The following DYNC1LI2 variants were observed in gnomAD, a reference collection of about 807,000 sequenced individuals.
The protein encoded by DYNC1LI2 is dynein cytoplasmic 1 light intermediate chain 2.
Under a neutral mutation model 57.8 loss-of-function variants are expected in DYNC1LI2, and 19 were observed. The observed-to-expected ratio is 0.33, with a 90% confidence interval of 0.23 to 0.48. DYNC1LI2 has a LOEUF of 0.48. DYNC1LI2 is among the 20% of genes least tolerant of loss of function. The probability of loss-of-function intolerance (pLI) is 0.99; values close to 1 mark genes in which losing one functional copy is unlikely to be tolerated. For missense variants in DYNC1LI2, 470 were observed against 604.2 expected, an observed-to-expected ratio of 0.78 and a Z score of 2.33; for synonymous variants, 256 against 233.4, an observed-to-expected ratio of 1.10 and a Z score of -0.88.
At chr16:66,728,879 T>A (rs528757845) in intron 9 of DYNC1LI2, among the ~76,000 whole-genome samples, 161 bp downstream of exon 9, 1 of 152,308 alleles carries the variant, frequency 6.6e-6, no homozygotes, top group South Asian at 2.1e-4. Flanking sequence ...CATCCCCAAC[T>A]AATCCTAGAA....
At chr16:66,748,746 C>T (rs979118587) in intron 3 of DYNC1LI2, among the ~76,000 whole-genome samples, 1 of 152,144 alleles carries the variant, frequency 6.6e-6, no homozygotes, top group African/African-American at 2.4e-5. Context: ...CATTTCTAAA[C>T]TGTCACAAAG....
chr16:66,734,358 G>A (rs762768169), intron 5 of DYNC1LI2, 47 bp from the exon 6 acceptor site: 1 of 1,569,346 alleles, frequency 6.4e-7, no homozygotes, highest in African/African-American at 1.3e-5. Flanking sequence ...ATTGCCTGCT[G>A]ACGATGGGAA....
intron 6 of DYNC1LI2, chr16:66,732,963 A>C (rs1017158882): frequency 6.6e-6 from 1 of 152,320 alleles, no homozygotes; most frequent in Non-Finnish European, 1.5e-5. Context: ...ATCCCAAAAA[A>C]GATGGCAGGA....
At chr16:66,730,463 G>A (rs575550163) in intron 7 of DYNC1LI2, 106 of 377,626 alleles carry the variant, frequency 2.8e-4, no homozygotes, top group African/African-American at 1.9e-3. Context: ...GCCAGTATGA[G>A]ATCCCATTCC....
chr16:66,744,114 G>A (rs2145002528), intron 3 of DYNC1LI2, among the ~76,000 whole-genome samples: 1 of 152,324 alleles, frequency 6.6e-6, no homozygotes, highest in Middle Eastern at 3.4e-3. Context: ...CACCCAGGCT[G>A]GAGTGCAGTG....
Position 66,735,949 on chromosome 16 carries a change from A to G in DYNC1LI2, c.699+126T>C, listed in dbSNP as rs1289468262. On this transcript the variant is annotated intron_variant, in intron 5 of 12. Coordinates refer to ENST00000258198, the MANE Select transcript of DYNC1LI2 (RefSeq NM_006141.3). ...TTTTCTGTCTTGACATATTCAATGT[A>G]CCTTAATGAATCTCAAATAAGCCCA... 2.4e-6 allele frequency: 3 copies of G among 1,243,310 alleles called. No individual in the cohort carries two copies. In the East Asian group the frequency reaches 7.4e-5, roughly 31 times the overall value. The allele number at this position is 1,243,310 out of a possible 1,614,324, so 77.0% of individuals were successfully genotyped here. A position where few individuals can be genotyped will look rare whatever the true frequency, so the allele number is the denominator to read the frequency against.
intron 3 of DYNC1LI2, among the ~76,000 whole-genome samples, chr16:66,747,490 G>A (rs2017958347): frequency 6.6e-6 from 1 of 152,104 alleles, no homozygotes; most frequent in Admixed American, 6.6e-5. Flanking sequence ...GAGGTGGTAG[G>A]ATCAGCCCTC....
intron 4 of DYNC1LI2, among the ~76,000 whole-genome samples, chr16:66,737,303 A>G (rs2017751671): frequency 6.6e-6 from 1 of 151,766 alleles, no homozygotes; most frequent in South Asian, 2.1e-4. Context: ...AAAAAACAAA[A>G]ACAAACAAAA....
chr16:66,731,107 C>T (rs1335113394), intron 7 of DYNC1LI2: 2 of 152,248 alleles, frequency 1.3e-5, no homozygotes, highest in Non-Finnish European at 2.9e-5. Flanking sequence ...CCAACAGGAC[C>T]AAATGTGCAA....
chr16:66,751,373 A>G lies in DYNC1LI2; in HGVS notation c.108-27T>C, dbSNP rs991088676. On this transcript the variant is annotated intron_variant, in intron 1 of 12. Transcript: ENST00000258198. The surrounding 1 kb of genome is among the most constrained non-coding windows in gnomAD (Gnocchi z 5.2). The stretch of plus-strand genomic sequence containing the variant: ...TGTGGCGACAATGGCAAGAGTGGTC[A>G]GCCCCGGGCCGGGCTGGGATGGCCC... 1 of 1,607,724 alleles carries G rather than the reference A, an allele frequency of 6.2e-7. No individual in the cohort carries two copies. Among genetic ancestry groups the G allele is most frequent in the Non-Finnish European group, 8.5e-7 (1 of 1,177,622 alleles).
Position 66,727,674 on chromosome 16 carries a change from T to C in DYNC1LI2, c.1261+14A>G. On this transcript the variant is annotated intron_variant, in intron 11 of 12. Coordinates refer to ENST00000258198, the MANE Select transcript of DYNC1LI2 (RefSeq NM_006141.3). ...ACTACTCTCCAAAGAGACATACTTTTGAGGAATACATACTTTTGATGTTTG... is the reference window on the plus strand; with the variant it reads ...ACTACTCTCCAAAGAGACATACTTTCGAGGAATACATACTTTTGATGTTTG... The C allele has an allele frequency of 6.2e-7, 1 of 1,613,174 alleles. No homozygotes were observed. Among genetic ancestry groups the C allele is most frequent in the Non-Finnish European group, 8.5e-7 (1 of 1,179,370 alleles).
At chr16:66,724,031 T>C (rs898239203) in intron 12 of DYNC1LI2, among the ~76,000 whole-genome samples, 1 of 152,118 alleles carries the variant, frequency 6.6e-6, no homozygotes, top group Admixed American at 6.5e-5. Flanking sequence ...CAGTGCTTCC[T>C]CCAACTCCAA....
rs145465322 is a variant in DYNC1LI2, at chr16:66,732,166, C to T, written c.929+173G>A. 9.7e-3 allele frequency: 8,384 copies of T among 864,512 alleles called. 51 individuals carry two copies. The highest frequency in any genetic ancestry group is 0.011 in the Non-Finnish European group (6,598 of 592,464). 53.6% of individuals were successfully genotyped at this position (864,512 alleles called of 1,614,324 possible). ...AGGCAGCACCCCTGACCACACCACC[C>T]ACTTCCCTCAGGCAGATGCCTCATA... On this transcript the variant is annotated intron_variant, in intron 7 of 12. Transcript: ENST00000258198.
intron 3 of DYNC1LI2, among the ~76,000 whole-genome samples, chr16:66,747,930 CA>C (rs1351289404): frequency 6.6e-6 from 1 of 151,832 alleles, no homozygotes; most frequent in Non-Finnish European, 1.5e-5. Context: ...ACTTTTCTAC[CA>C]AAAAAACCAA....
At chr16:66,739,253 A>C (rs985887113) in intron 4 of DYNC1LI2, 1 of 152,150 alleles carries the variant, frequency 6.6e-6, no homozygotes, top group Admixed American at 6.6e-5. Context: ...GGAAGTTCAG[A>C]CAGCTGGCTC....
chr16:66,725,331 A>C (rs891385739), intron 12 of DYNC1LI2, among the ~76,000 whole-genome samples: 5 of 151,286 alleles, frequency 3.3e-5, no homozygotes, highest in African/African-American at 1.2e-4. Flanking sequence ...AATACAAAAA[A>C]TTAGCTGGGC....
intron 3 of DYNC1LI2, among the ~76,000 whole-genome samples, chr16:66,747,660 C>T (rs540840272): frequency 6.6e-6 from 1 of 151,498 alleles, no homozygotes; most frequent in African/African-American, 2.4e-5. Context: ...ACCTCCACCT[C>T]CTGGGTTCAA....
chr16:66,735,444 C>G (rs1348155075), intron 5 of DYNC1LI2, among the ~76,000 whole-genome samples: 3 of 152,056 alleles, frequency 2.0e-5, no homozygotes, highest in Admixed American at 1.3e-4. Context: ...AATTTTCCAC[C>G]ATCAGTTTGG....
In DYNC1LI2 at chr16:66,731,087, G is replaced by A. The variant is rs922325450; in HGVS notation, c.930-864C>T. The A allele has an allele frequency of 2.0e-5, 3 of 152,274 alleles. No individual in the cohort carries two copies. In the East Asian group the frequency reaches 5.8e-4, roughly 29 times the overall value. 9.4% of individuals were successfully genotyped at this position (152,274 alleles called of 1,614,324 possible). A position where few individuals can be genotyped will look rare whatever the true frequency, so the allele number is the denominator to read the frequency against. ...CTTGCTGACTTTGCCAGTCACCAGA[G>A]AGGTAACTACCAACAGGACCAAATG... On this transcript the variant is annotated intron_variant, in intron 7 of 12. Transcript: ENST00000258198.
Sources: allele counts gnomAD v4.1 joint callset (sites outside exome capture counted in the v4.1 genomes callset), GRCh38; gene constraint gnomAD v4.1.1; non-coding constraint Gnocchi (gnomAD v3.1); transcripts MANE v1.5; gene names NCBI Gene and HGNC (gene_info 2026-07-23, HGNC 2026-07-21).